Variants in ALDH18A1 observed in about 807,000 individuals in gnomAD.
ALDH18A1 encodes aldehyde dehydrogenase 18 family member A1, also known as delta-1-pyrroline-5-carboxylate synthase.
Under a neutral mutation model 88.8 loss-of-function variants are expected in ALDH18A1, and 44 were observed. The ratio of observed to expected loss-of-function variants is 0.50; its 90% CI spans 0.39 to 0.64. ALDH18A1 has a LOEUF of 0.64. Ranked by LOEUF, ALDH18A1 falls within the 30% of genes least tolerant of loss-of-function variation. The probability of loss-of-function intolerance (pLI) is 0.00; values close to 1 mark genes in which losing one functional copy is unlikely to be tolerated. For missense variants in ALDH18A1, 782 were observed against 1,009.5 expected (o/e 0.77, Z 3.05); for synonymous variants, 331 against 372.1 (o/e 0.89, Z 1.27).
At chr10:95,640,645 A>G (rs1566035971) in intron 3 of ALDH18A1, among the ~76,000 whole-genome samples, 1 of 152,104 alleles carries the variant, frequency 6.6e-6, no homozygotes, top group East Asian at 1.9e-4. Context: ...CCCAGCTGTG[A>G]TTCCCTTTCT....
At chr10:95,618,075 G>A (rs1480600777) in intron 12 of ALDH18A1, among the ~76,000 whole-genome samples, 1 of 152,168 alleles carries the variant, frequency 6.6e-6, no homozygotes. Flanking sequence ...AGAGGTGCTA[G>A]TTTTTTGTTT....
chr10:95,654,390 C>G (rs2097914798), intron 1 of ALDH18A1, among the ~76,000 whole-genome samples: 2 of 152,056 alleles, frequency 1.3e-5, no homozygotes, highest in Non-Finnish European at 2.9e-5. Context: ...GTCTCGATCT[C>G]CTGACCTTGT....
At chr10:95,627,093 TTA>T (rs1482113341) in intron 9 of ALDH18A1, among the ~76,000 whole-genome samples, 25 of 152,330 alleles carry the variant, frequency 1.6e-4, no homozygotes, top group African/African-American at 6.0e-4. Context: ...TGAATGCAGA[TTA>T]TGAGGCAATT....
At position 95,625,735 on chromosome 10, in the gene ALDH18A1, G is replaced by A. The variant is rs10509687; in HGVS notation, c.1153-280C>T. Among the ~76,000 whole-genome samples, 130,838 of 148,156 alleles carry A rather than the reference G, an allele frequency of 0.88. 58,496 individuals carry two copies. Among genetic ancestry groups the A allele is most frequent in the Non-Finnish European group, 0.97 (65,104 of 67,434 alleles). ...TATAATTAGCAAACCATGGCTAATA[G>A]TAATAATCAGGAGTCATAAGAAAAA... On this transcript the variant is annotated intron_variant, in intron 10 of 17. Coordinates refer to ENST00000371224, the MANE Select transcript of ALDH18A1 (RefSeq NM_002860.4).
chr10:95,654,720 A>G (rs1296827104), intron 1 of ALDH18A1, among the ~76,000 whole-genome samples: 1 of 151,076 alleles, frequency 6.6e-6, no homozygotes, highest in Admixed American at 6.7e-5. Flanking sequence ...GGCAACAGAA[A>G]GTATTAATTG....
intron 3 of ALDH18A1, 43 bp downstream of exon 3, chr10:95,642,949 A>G (rs1172482073): frequency 6.2e-7 from 1 of 1,605,754 alleles, no homozygotes; most frequent in Admixed American, 1.7e-5. Flanking sequence ...AGCGACTTAA[A>G]AACCCAATTT....
intron 10 of ALDH18A1, among the ~76,000 whole-genome samples, chr10:95,626,480 C>G (rs2097860564): frequency 6.6e-6 from 1 of 151,950 alleles, no homozygotes; most frequent in Non-Finnish European, 1.5e-5. Flanking sequence ...ATCAAAACAT[C>G]ATAGTGATGA....
intron 11 of ALDH18A1, among the ~76,000 whole-genome samples, chr10:95,623,891 A>T (rs1589510721): frequency 6.6e-6 from 1 of 151,758 alleles, no homozygotes; most frequent in Admixed American, 6.6e-5. Flanking sequence ...TATAGAGACA[A>T]GGTTTCACCA....
intron 8 of ALDH18A1, 32 bp downstream of exon 8, chr10:95,628,336 T>G (rs1163825993): frequency 1.9e-6 from 3 of 1,613,888 alleles, no homozygotes; most frequent in Non-Finnish European, 2.5e-6. Flanking sequence ...GCTTTAAAAT[T>G]GTTATAGGCA....
intron 3 of ALDH18A1, among the ~76,000 whole-genome samples, chr10:95,637,916 G>T (rs745757157): frequency 6.6e-6 from 1 of 151,800 alleles, no homozygotes; most frequent in Non-Finnish European, 1.5e-5. Flanking sequence ...ACCCATGATC[G>T]CACCACCACA....
rs2097851572 is a variant in ALDH18A1 at position 95,621,047 on chromosome 10, G to A, written c.1451C>T (p.Pro484Leu). The A allele has an allele frequency of 6.2e-7, 1 of 1,613,942 alleles. No individual in the cohort carries two copies. Among genetic ancestry groups the A allele is most frequent in the African/African-American group, 1.3e-5 (1 of 74,894 alleles). The change falls in exon 12 of 18, where the codon CCT becomes CTT. Residue 484 changes from proline (P) to leucine (L), a missense_variant. This residue lies in a region of ALDH18A1 where 556 missense variants were observed against 654.5 expected (regional missense o/e 0.85). Transcript: ENST00000371224. ...TATACACACCTGGGGTAGACAGTCA[G>A]GACGAGATTCAAAGATCACCAGCAG... ...GVLLVIFESR[P>L]DCLPQVAALA...
In ALDH18A1 at chr10:95,620,795, T is replaced by TG. The variant is rs2139567101; in HGVS notation, c.1467+235dup. Among the ~76,000 whole-genome samples the TG allele has an allele frequency of 1.4e-4, 5 of 34,700 alleles. No homozygotes were observed. The South Asian group carries it at 3.6e-3, about 25-fold the overall frequency. 22.8% of individuals were successfully genotyped at this position (34,700 alleles called of 152,430 possible). ...TCACACACTGGGGCCTGTCGGGGGG[T>TG]GGGGGACTGGGGGAGGGATAGCATT... On this transcript the variant is annotated intron_variant, in intron 12 of 17. Coordinates refer to ENST00000371224, the MANE Select transcript of ALDH18A1 (RefSeq NM_002860.4).
At chr10:95,653,266 T>C (rs780532235) in intron 2 of ALDH18A1, 24 bp downstream of exon 2, 1 of 1,573,274 alleles carries the variant, frequency 6.4e-7, no homozygotes, top group Non-Finnish European at 8.7e-7. Flanking sequence ...TCCCACATAC[T>C]CATAAGTTTT....
Position 95,614,168 on chromosome 10 carries a change from A to G in ALDH18A1, c.1606-7T>C. The G allele has an allele frequency of 6.2e-7, 1 of 1,613,864 alleles. No homozygotes were observed. The highest frequency in any genetic ancestry group is 8.5e-7 in the Non-Finnish European group (1 of 1,179,920). ...CTTCTTCTCTGGTATTCACCTTTAG[A>G]AGGAAAGAAGAAAAAGATAAAGATG... On this transcript the variant is annotated splice_region_variant and splice_polypyrimidine_tract_variant and intron_variant, in intron 13 of 17. Coordinates refer to ENST00000371224, the MANE Select transcript of ALDH18A1 (RefSeq NM_002860.4).
intron 15 of ALDH18A1, 95 bp from the exon 16 acceptor site, chr10:95,611,537 C>T (rs1277394679): frequency 1.2e-5 from 17 of 1,434,624 alleles, no homozygotes; most frequent in Non-Finnish European, 1.7e-5. Flanking sequence ...AAAACCACAG[C>T]CCAAAGTGGC....
chr10:95,629,022 T>G (rs1341703220), intron 7 of ALDH18A1, among the ~76,000 whole-genome samples: 1 of 152,216 alleles, frequency 6.6e-6, no homozygotes, highest in Non-Finnish European at 1.5e-5. Flanking sequence ...TTAGGCTCAG[T>G]CAGCAGGAGA....
At chr10:95,627,311 C>T (rs773392268) in intron 9 of ALDH18A1, 131 bp downstream of exon 9, 23 of 1,279,594 alleles carry the variant, frequency 1.8e-5, no homozygotes, top group African/African-American at 8.9e-5. Flanking sequence ...AAGCAAAATC[C>T]GATTTTGCAA....
At chr10:95,629,635 T>C (rs1447111216) in intron 7 of ALDH18A1, among the ~76,000 whole-genome samples, 1 of 152,134 alleles carries the variant, frequency 6.6e-6, no homozygotes, top group East Asian at 1.9e-4. Context: ...CTGTTTCAGT[T>C]TCATATATTA....
chr10:95,636,573 C>T (rs567179924), intron 5 of ALDH18A1, among the ~76,000 whole-genome samples: 6 of 152,338 alleles, frequency 3.9e-5, no homozygotes, highest in Non-Finnish European at 7.3e-5. Flanking sequence ...CCCAAGACTG[C>T]TAGGTACACC....
Sources: gnomAD v4.1 joint callset for allele counts (sites outside exome capture counted in the v4.1 genomes callset) on GRCh38, gnomAD v4.1.1 for gene constraint, gnomAD v4.1.1 regional missense constraint, MANE v1.5 for transcripts, NCBI Gene and HGNC (gene_info 2026-07-23, HGNC 2026-07-21) for gene names.